The following RAB6A variants were observed in gnomAD, a reference collection of about 807,000 sequenced individuals.
The protein encoded by RAB6A is ras-related protein Rab-6A.
In RAB6A, 8 loss-of-function variants were observed where a neutral mutation model predicts 32.3. The ratio of observed to expected loss-of-function variants is 0.25; its 90% confidence interval spans 0.15 to 0.45. RAB6A has a LOEUF of 0.45. Among genes scored for constraint, RAB6A ranks in the 20% least tolerant of loss-of-function variants. The pLI, the probability that RAB6A is intolerant of heterozygous loss-of-function variation, is 1.00. For synonymous variants in RAB6A, 73 were observed against 82.1 expected (o/e 0.89, Z 0.60); for missense variants, 104 against 249.4 (o/e 0.42, Z 3.93).
intron 1 of RAB6A, among the ~76,000 whole-genome samples, chr11:73,750,049 T>A (rs535309117): frequency 2.6e-5 from 4 of 152,250 alleles, no homozygotes; most frequent in Admixed American, 2.0e-4. Context: ...AAATCTGCCT[T>A]ATAATAACAG....
chr11:73,723,199 T>C (rs757882091), intron 2 of RAB6A, among the ~76,000 whole-genome samples: 3 of 152,144 alleles, frequency 2.0e-5, no homozygotes, highest in Admixed American at 6.6e-5. Flanking sequence ...TCTACCCAAA[T>C]TGGACGGAAC....
chr11:73,759,002 C>T (rs1339509009), intron 1 of RAB6A, among the ~76,000 whole-genome samples: 1 of 152,080 alleles, frequency 6.6e-6, no homozygotes, highest in Non-Finnish European at 1.5e-5. Flanking sequence ...ATAATCTACA[C>T]ATGAAAGGAG....
At chr11:73,681,086 A>G (rs573886496) in intron 6 of RAB6A, among the ~76,000 whole-genome samples, 178 of 152,320 alleles carry the variant, frequency 1.2e-3, no homozygotes, top group Admixed American at 6.3e-3. Flanking sequence ...AATTAAATGC[A>G]TATGTGCTGT....
intron 5 of RAB6A, among the ~76,000 whole-genome samples, chr11:73,714,649 G>A (rs891893069): frequency 2.0e-5 from 3 of 150,536 alleles, no homozygotes; most frequent in Non-Finnish European, 3.0e-5. Context: ...GTGACAATGC[G>A]AGACTCCAAC....
At chr11:73,751,591 T>G (rs1314848846) in intron 1 of RAB6A, among the ~76,000 whole-genome samples, 2 of 152,164 alleles carry the variant, frequency 1.3e-5, no homozygotes, top group Admixed American at 6.5e-5. Flanking sequence ...CTCTCTTCTA[T>G]TCCCTCTTCT....
chr11:73,717,406 C>A (rs1355608293), intron 4 of RAB6A, among the ~76,000 whole-genome samples: 1 of 152,212 alleles, frequency 6.6e-6, no homozygotes, highest in Non-Finnish European at 1.5e-5. Flanking sequence ...GGGCTGGGCA[C>A]AATGGTTCAT....
chr11:73,757,098 CATATATATATATAT>C (rs1170100550), intron 1 of RAB6A, among the ~76,000 whole-genome samples: 13 of 37,672 alleles, frequency 3.5e-4, no homozygotes, highest in East Asian at 2.2e-3. Flanking sequence ...AATATACATA[CATATATATATATAT>C]ATATATATAT....
At chr11:73,755,782 G>A (rs1590897595) in intron 1 of RAB6A, among the ~76,000 whole-genome samples, 1 of 149,450 alleles carries the variant, frequency 6.7e-6, no homozygotes, top group Non-Finnish European at 1.5e-5. Flanking sequence ...AGGAAGGAAG[G>A]GAGAAAAGGA....
intron 2 of RAB6A, among the ~76,000 whole-genome samples, chr11:73,721,465 T>A (rs1490120041): frequency 6.6e-6 from 1 of 152,198 alleles, no homozygotes; most frequent in East Asian, 1.9e-4. Context: ...AGCTTCCTTC[T>A]GTGGTGAAAA....
intron 6 of RAB6A, among the ~76,000 whole-genome samples, chr11:73,693,444 C>A (rs976415044): frequency 6.6e-6 from 1 of 151,950 alleles, no homozygotes; most frequent in Non-Finnish European, 1.5e-5. Flanking sequence ...AGCAACAGGG[C>A]CAGATGCAGT....
Position 73,744,337 on chromosome 11 carries a change from C to CAA in RAB6A, c.71-13516_71-13515dup, listed in dbSNP as rs35787214. Among the ~76,000 whole-genome samples, 368 of 108,046 alleles carry CAA rather than the reference C, an allele frequency of 3.4e-3. 4 individuals carry two copies. The highest frequency in any genetic ancestry group is 0.01 in the East Asian group (39 of 3,856). The allele number at this position is 108,046 out of a possible 152,430, so 70.9% of individuals were successfully genotyped here. A position where few individuals can be genotyped will look rare whatever the true frequency, so the allele number is the denominator to read the frequency against. On this transcript the variant is annotated intron_variant, in intron 1 of 7. Transcript: ENST00000336083. ...TGGGTGACAAAGGGAGACTCCATCT[C>CAA]AAAAAAAAAAAAAAAAAATTTAAAT...
intron 6 of RAB6A, among the ~76,000 whole-genome samples, chr11:73,680,373 A>G (rs999052641): frequency 6.6e-6 from 1 of 152,166 alleles, no homozygotes; most frequent in African/African-American, 2.4e-5. Flanking sequence ...AGTGAGGTTC[A>G]GGGCTGGACG....
At chr11:73,742,418 G>T (rs1483231860) in intron 1 of RAB6A, among the ~76,000 whole-genome samples, 4 of 152,266 alleles carry the variant, frequency 2.6e-5, no homozygotes, top group African/African-American at 9.6e-5. Context: ...GATTACAGGC[G>T]TGATCCACCA....
Position 73,721,949 on chromosome 11 carries a change from C to A in RAB6A, c.130-1050G>T, listed in dbSNP as rs1479227186. ...ATTTTGTGTGTGTCATAGTTGAGTT[C>A]TCACGAGATCTGATGGTTTTATAAA... On this transcript the variant is annotated intron_variant, in intron 2 of 7. Transcript: ENST00000336083. Among the ~76,000 whole-genome samples the A allele has an allele frequency of 2.6e-5, 4 of 152,038 alleles. No individual in the cohort carries two copies. The East Asian group carries it at 7.7e-4, about 29-fold the overall frequency.
At chr11:73,712,979 A>C (rs1590853405) in intron 5 of RAB6A, among the ~76,000 whole-genome samples, 1 of 151,968 alleles carries the variant, frequency 6.6e-6, no homozygotes, top group African/African-American at 2.4e-5. Flanking sequence ...CGGATTGCCA[A>C]AGTGCTGGGA....
intron 3 of RAB6A, chr11:73,718,931 A>C: frequency 6.7e-7 from 1 of 1,493,818 alleles, no homozygotes; most frequent in Non-Finnish European, 9.1e-7. Flanking sequence ...AAAAAACCAA[A>C]CTAATACTAA....
intron 2 of RAB6A, chr11:73,722,308 T>C (rs533453320): frequency 4.4e-5 from 1 of 22,686 alleles, no homozygotes; most frequent in Admixed American, 4.5e-4. Flanking sequence ...TGTGTGTGTA[T>C]ATATATATAT....
intron 1 of RAB6A, among the ~76,000 whole-genome samples, chr11:73,751,477 T>C (rs912708835): frequency 2.6e-5 from 4 of 152,106 alleles, no homozygotes; most frequent in Non-Finnish European, 4.4e-5. Flanking sequence ...AGAACCCCCA[T>C]TGACTTAGGA....
At position 73,697,021 on chromosome 11, in the gene RAB6A, T is replaced by C. The variant is rs189174047; in HGVS notation, c.495+10399A>G. On this transcript the variant is annotated intron_variant, in intron 6 of 7. Transcript: ENST00000336083. ...ACTGCCCACATGGTCTTAAGGCCTCTGTTCTCCATAACTATCTCTGTGAGC... is the reference window on the plus strand; with the variant it reads ...ACTGCCCACATGGTCTTAAGGCCTCCGTTCTCCATAACTATCTCTGTGAGC... Among the ~76,000 whole-genome samples the C allele has an allele frequency of 1.3e-3, 199 of 152,368 alleles. 1 individual carries two copies. The highest frequency in any genetic ancestry group is 4.6e-3 in the African/African-American group (190 of 41,592).
Sources: gnomAD v4.1 joint callset for allele counts (sites outside exome capture counted in the v4.1 genomes callset) on GRCh38, gnomAD v4.1.1 for gene constraint, MANE v1.5 for transcripts, NCBI Gene and HGNC (gene_info 2026-07-23, HGNC 2026-07-21) for gene names.